EPM2A: variants seen among roughly 807,000 people sequenced by gnomAD.
EPM2A encodes the protein laforin.
EPM2A carries 21 observed loss-of-function variants against 26.5 expected under a neutral mutation model. The observed-to-expected ratio is 0.79, with a 90% confidence interval of 0.56 to 1.14. The LOEUF (loss-of-function observed/expected upper bound fraction) is 1.14, where lower values mean the gene tolerates loss of function less well. EPM2A is among the 50% of genes most tolerant of loss of function. EPM2A has a pLI of 0.00. For synonymous variants in EPM2A, 217 were observed against 177.6 expected, an observed-to-expected ratio of 1.22 and a Z score of -1.76; for missense variants, 458 against 440.8, an observed-to-expected ratio of 1.04 and a Z score of -0.35.
intron 1 of EPM2A, among the ~76,000 whole-genome samples, chr6:145,696,593 C>A (rs548981116): frequency 8.0e-4 from 122 of 151,722 alleles, no homozygotes; most frequent in Non-Finnish European, 1.4e-3. Context: ...ATTATAAAGA[C>A]AAATAAGTAA....
At chr6:145,604,498 C>T (rs200951595) in intron 2 of EPM2A, among the ~76,000 whole-genome samples, 12 of 152,058 alleles carry the variant, frequency 7.9e-5, no homozygotes, top group African/African-American at 2.9e-4. Flanking sequence ...ATTGAGTCTG[C>T]AAAAAACCAC....
At chr6:145,645,265 A>G (rs1777374567) in intron 2 of EPM2A, among the ~76,000 whole-genome samples, 1 of 152,182 alleles carries the variant, frequency 6.6e-6, no homozygotes, top group African/African-American at 2.4e-5. Flanking sequence ...GGACATTCAC[A>G]TTTCCATCTT....
chr6:145,566,735 G>A (rs1780889015), intron 2 of EPM2A, among the ~76,000 whole-genome samples: 1 of 152,106 alleles, frequency 6.6e-6, no homozygotes, highest in Non-Finnish European at 1.5e-5. Flanking sequence ...TTCTTAATAG[G>A]GGTCAAAAGA....
At chr6:145,452,053 C>T (rs559750320) in intron 4 of EPM2A, among the ~76,000 whole-genome samples, 22 of 152,254 alleles carry the variant, frequency 1.4e-4, no homozygotes, top group South Asian at 6.2e-4. Context: ...CTTCGTTCTT[C>T]TTTGGTCTAC....
At chr6:145,504,452 C>T (rs1433142974) in intron 2 of EPM2A, among the ~76,000 whole-genome samples, 3 of 133,410 alleles carry the variant, frequency 2.2e-5, no homozygotes, top group Non-Finnish European at 4.8e-5. Flanking sequence ...ACAGACACTT[C>T]TCAAAAGAAG....
At chr6:145,672,147 AC>A (rs1779690571) in intron 2 of EPM2A, among the ~76,000 whole-genome samples, 2 of 152,182 alleles carry the variant, frequency 1.3e-5, no homozygotes, top group Non-Finnish European at 2.9e-5. Context: ...AAAGAATCTT[AC>A]CTGGGCCAAA....
chr6:145,688,115 T>C (rs1781051169), intron 1 of EPM2A, among the ~76,000 whole-genome samples: 1 of 152,190 alleles, frequency 6.6e-6, no homozygotes, highest in African/African-American at 2.4e-5. Context: ...AGAACTCAGA[T>C]ATTTATCATA....
At chr6:145,621,904 T>C (rs1217865889), downstream of EPM2A, among the ~76,000 whole-genome samples, 1 of 152,142 alleles carries the variant, frequency 6.6e-6, no homozygotes, top group Non-Finnish European at 1.5e-5. Flanking sequence ...TTTTCATTTG[T>C]TTTCTTGTTT....
chr6:145,688,579 C>T (rs1051984813), intron 1 of EPM2A, among the ~76,000 whole-genome samples: 3 of 151,952 alleles, frequency 2.0e-5, no homozygotes, highest in African/African-American at 4.8e-5. Context: ...ACTCATTTGA[C>T]ATTAAGACCA....
chr6:145,617,320 A>T (rs766549993), intron 2 of EPM2A, among the ~76,000 whole-genome samples: 7 of 152,196 alleles, frequency 4.6e-5, no homozygotes, highest in Non-Finnish European at 8.8e-5. Flanking sequence ...TCCCAGCCAC[A>T]TGGAACTGTA....
At chr6:145,538,589 A>G (rs1316119757) in intron 2 of EPM2A, among the ~76,000 whole-genome samples, 1 of 152,224 alleles carries the variant, frequency 6.6e-6, no homozygotes, top group Non-Finnish European at 1.5e-5. Flanking sequence ...CAGAGTTAAT[A>G]GCTGACAAAG....
Position 145,467,705 on chromosome 6 carries a change from T to A in EPM2A, c.555+34817A>T, listed in dbSNP as rs575266203. 2.8e-4 allele frequency among the ~76,000 whole-genome samples: 43 copies of A among 152,276 alleles called. No homozygotes were observed. In the South Asian group the frequency reaches 8.1e-3, roughly 29 times the overall value. ...TTGGGGAGAAATAACATCTTTACAA[T>A]GTTAAATATTATCTTTCAGGAACAT... is the stretch of plus-strand genomic sequence containing the variant. On this transcript the variant is annotated intron_variant, in intron 4 of 4. Coordinates refer to the EPM2A transcript ENST00000638717.
At chr6:145,583,860 G>A (rs573071821) in intron 2 of EPM2A, among the ~76,000 whole-genome samples, 1 of 152,272 alleles carries the variant, frequency 6.6e-6, no homozygotes, top group Non-Finnish European at 1.5e-5. Context: ...TGGGACATTA[G>A]TGCAGGCAGG....
chr6:145,414,504 T>C (rs1778682683), intron 4 of EPM2A, among the ~76,000 whole-genome samples: 1 of 152,082 alleles, frequency 6.6e-6, no homozygotes, highest in African/African-American at 2.4e-5. Flanking sequence ...TAAATATCTC[T>C]AGATTTTTCC....
chr6:145,541,947 C>A (rs570003888), intron 2 of EPM2A, among the ~76,000 whole-genome samples: 1 of 151,288 alleles, frequency 6.6e-6, no homozygotes, highest in South Asian at 2.1e-4. Context: ...TAAAACCTCA[C>A]TTTTACATAT....
chr6:145,473,227 C>G (rs768141068), intron 4 of EPM2A, among the ~76,000 whole-genome samples: 2 of 151,112 alleles, frequency 1.3e-5, no homozygotes, highest in Non-Finnish European at 2.9e-5. Flanking sequence ...AAAAAAATCA[C>G]GTAGAAATTC....
intron 2 of EPM2A, among the ~76,000 whole-genome samples, chr6:145,586,494 G>T (rs1355807969): frequency 6.6e-6 from 1 of 152,068 alleles, no homozygotes; most frequent in Non-Finnish European, 1.5e-5. Context: ...TATCTTTTTA[G>T]AACTGTTTAT....
chr6:145,565,694 G>A (rs1780875746), intron 2 of EPM2A, among the ~76,000 whole-genome samples: 1 of 152,126 alleles, frequency 6.6e-6, no homozygotes, highest in African/African-American at 2.4e-5. Flanking sequence ...AAAGAGCTTG[G>A]CCCTCTAAGA....
intron 4 of EPM2A, among the ~76,000 whole-genome samples, chr6:145,442,776 T>C (rs1322309069): frequency 6.6e-6 from 1 of 152,198 alleles, no homozygotes; most frequent in Non-Finnish European, 1.5e-5. Flanking sequence ...TTGGTCTATG[T>C]ATCTGTTTTT....
Sources: gnomAD v4.1 joint callset for allele counts (sites outside exome capture counted in the v4.1 genomes callset) on GRCh38, gnomAD v4.1.1 for gene constraint, MANE v1.5 for transcripts, NCBI Gene and HGNC (gene_info 2026-07-23, HGNC 2026-07-21) for gene names.